Variants in SAR1B observed in about 807,000 individuals in gnomAD.
SAR1B encodes secretion associated Ras related GTPase 1B, also known as small COPII coat GTPase SAR1B.
In SAR1B, 23 loss-of-function variants were observed where a neutral mutation model predicts 26.8. That is an observed-to-expected ratio of 0.86 (90% CI 0.62 to 1.22). The LOEUF is 1.22. Among genes scored for constraint, SAR1B ranks in the 50% most tolerant of loss-of-function variants. The probability of loss-of-function intolerance (pLI) is 0.00; values close to 1 mark genes in which losing one functional copy is unlikely to be tolerated. For synonymous variants in SAR1B, 65 were observed against 80.8 expected (o/e 0.80, Z 1.05); for missense variants, 196 against 232.8 (o/e 0.84, Z 1.03).
At position 134,632,774 on chromosome 5, in the gene SAR1B, C is replaced by A. The variant is rs1001032655; in HGVS notation, c.-65G>T. ...TCCCCTACTTGGCGTTGGCCGTACA[C>A]CAGGAGACCGAACTGCAAAGCGCGA... On this transcript the variant is annotated 5_prime_UTR_variant, in exon 1 of 7. Coordinates refer to ENST00000402673, the MANE Select transcript of SAR1B (RefSeq NM_016103.4). 2.0e-5 allele frequency: 3 copies of A among 152,420 alleles called. No individual in the cohort carries two copies. In the East Asian group the frequency reaches 5.8e-4, roughly 29 times the overall value. The allele number at this position is 152,420 out of a possible 1,614,324, so 9.4% of individuals were successfully genotyped here.
At chr5:134,627,906 G>A (rs915760996) in intron 1 of SAR1B, among the ~76,000 whole-genome samples, 10 of 152,010 alleles carry the variant, frequency 6.6e-5, no homozygotes, top group Admixed American at 4.6e-4. Context: ...TTGGGAGGCC[G>A]AGGCGGGCAG....
Position 134,602,093 on chromosome 5 carries a change from G to A in SAR1B, c.*4857C>T, listed in dbSNP as rs1391503731. On this transcript the variant is annotated 3_prime_UTR_variant, in exon 7 of 7. Coordinates refer to ENST00000402673, the MANE Select transcript of SAR1B (RefSeq NM_016103.4). ...TGAAGAAGAATCCATCTACTCCAGT[G>A]CAGCTTTTCCAAAAATAGTTCTGTG... 2 of 152,164 alleles carry A rather than the reference G, an allele frequency of 1.3e-5. No homozygotes were observed. 9.4% of individuals were successfully genotyped at this position (152,164 alleles called of 1,614,324 possible).
At chr5:134,609,458 G>C in intron 5 of SAR1B, 113 bp downstream of exon 5, 1 of 827,964 alleles carries the variant, frequency 1.2e-6, no homozygotes, top group South Asian at 1.4e-5. Flanking sequence ...AAATTGCCAA[G>C]AGTTTCATCA....
intron 1 of SAR1B, among the ~76,000 whole-genome samples, chr5:134,630,363 G>A (rs1765580189): frequency 6.6e-6 from 1 of 151,092 alleles, no homozygotes; most frequent in Non-Finnish European, 1.5e-5. Flanking sequence ...GCTGAGGCAG[G>A]AGAATCGCTT....
intron 4 of SAR1B, among the ~76,000 whole-genome samples, chr5:134,610,940 T>A (rs1662441230): frequency 6.6e-6 from 1 of 151,762 alleles, no homozygotes; most frequent in Admixed American, 6.6e-5. Context: ...GCTAGTTCAC[T>A]GCAACCTCAG....
chr5:134,617,832 C>G (rs1765339649), intron 3 of SAR1B, among the ~76,000 whole-genome samples: 1 of 152,162 alleles, frequency 6.6e-6, no homozygotes, highest in Non-Finnish European at 1.5e-5. Flanking sequence ...CAGGCACGTG[C>G]CACCGTGTCC....
At position 134,605,118 on chromosome 5, in the gene SAR1B, TTAGC is replaced by T. The variant is rs1219164121; in HGVS notation, c.*1828_*1831del. ...CATCTTAAGAAGCGACCTTGTCAGC[TTAGC>T]TAAATAGTAATTCCTTCCAGTCATA... On this transcript the variant is annotated 3_prime_UTR_variant, in exon 7 of 7. Coordinates refer to ENST00000402673, the MANE Select transcript of SAR1B (RefSeq NM_016103.4). 1 of 152,236 alleles carries T rather than the reference TTAGC, an allele frequency of 6.6e-6. No homozygotes were observed. The allele number at this position is 152,236 out of a possible 1,614,324, so 9.4% of individuals were successfully genotyped here. A position where few individuals can be genotyped will look rare whatever the true frequency, so the allele number is the denominator to read the frequency against.
intron 6 of SAR1B, 140 bp downstream of exon 6, chr5:134,608,232 T>C: frequency 3.4e-6 from 3 of 877,974 alleles, no homozygotes; most frequent in Non-Finnish European, 5.2e-6. Context: ...AATGAGGACA[T>C]TAAAAAGACC....
intron 3 of SAR1B, chr5:134,613,446 G>C (rs1373851734): frequency 6.6e-6 from 1 of 152,110 alleles, no homozygotes; most frequent in Admixed American, 6.6e-5. Flanking sequence ...TTGCAAATAA[G>C]GTCAAATCAA....
At chr5:134,608,204 C>T (rs1235079532) in intron 6 of SAR1B, among the ~76,000 whole-genome samples, 168 bp downstream of exon 6, 1 of 152,108 alleles carries the variant, frequency 6.6e-6, no homozygotes, top group East Asian at 1.9e-4. Flanking sequence ...GAAAATGTTT[C>T]ATTCCATGGT....
At chr5:134,631,541 G>C (rs866800749) in intron 1 of SAR1B, 1 of 152,056 alleles carries the variant, frequency 6.6e-6, no homozygotes, top group African/African-American at 2.4e-5. Context: ...ACTTTAACAC[G>C]GAATATAGGA....
intron 1 of SAR1B, among the ~76,000 whole-genome samples, chr5:134,627,347 C>A (rs1212525422): frequency 1.3e-5 from 2 of 151,266 alleles, no homozygotes; most frequent in African/African-American, 2.4e-5. Context: ...CACCGCGCCC[C>A]GCCACTTTTT....
At chr5:134,618,819 G>A (rs1451830364) in intron 3 of SAR1B, among the ~76,000 whole-genome samples, 2 of 151,942 alleles carry the variant, frequency 1.3e-5, no homozygotes, top group Non-Finnish European at 2.9e-5. Context: ...CCAACATGGC[G>A]AAACCTGGTC....
In SAR1B at chr5:134,629,325, G is replaced by A. The variant is rs760949307; in HGVS notation, c.-19+3403C>T. On this transcript the variant is annotated intron_variant, in intron 1 of 6. Coordinates refer to ENST00000402673, the MANE Select transcript of SAR1B (RefSeq NM_016103.4). ...TGTAATCCCAGCACTTTGGGAGGCC[G>A]AGGTGGGGGGATCACTTGAACCCAG... 4.0e-5 allele frequency among the ~76,000 whole-genome samples: 6 copies of A among 150,948 alleles called. No homozygotes were observed. In the East Asian group the frequency reaches 9.8e-4, roughly 25 times the overall value.
At chr5:134,631,034 T>A (rs1331582395) in intron 1 of SAR1B, among the ~76,000 whole-genome samples, 2 of 150,982 alleles carry the variant, frequency 1.3e-5, no homozygotes, top group Admixed American at 6.6e-5. Flanking sequence ...TAGCTGGGAC[T>A]ACTGGCCTGC....
intron 2 of SAR1B, 114 bp downstream of exon 2, chr5:134,623,848 T>G (rs1465093236): frequency 1.3e-6 from 1 of 749,160 alleles, no homozygotes; most frequent in Admixed American, 2.1e-5. Flanking sequence ...AAAGCCCATA[T>G]TCTTAACTAT....
At chr5:134,627,819 A>AATAT (rs1164032971) in intron 1 of SAR1B, among the ~76,000 whole-genome samples, 1 of 145,098 alleles carries the variant, frequency 6.9e-6, no homozygotes, top group African/African-American at 2.5e-5. Flanking sequence ...TAAATAAATA[A>AATAT]ATAAATAAAT....
At chr5:134,623,928 G>A in intron 2 of SAR1B, 34 bp downstream of exon 2, 1 of 1,419,442 alleles carries the variant, frequency 7.0e-7, no homozygotes, top group Middle Eastern at 1.7e-4. Flanking sequence ...AAGACCAAAG[G>A]GGATAACTGT....
chr5:134,617,025 G>T (rs1291584898), intron 3 of SAR1B, among the ~76,000 whole-genome samples: 1 of 152,124 alleles, frequency 6.6e-6, no homozygotes, highest in Non-Finnish European at 1.5e-5. Context: ...GAGCCCAGGA[G>T]TTCAAGACCA....
Sources: allele counts gnomAD v4.1 joint callset (sites outside exome capture counted in the v4.1 genomes callset), GRCh38; gene constraint gnomAD v4.1.1; transcripts MANE v1.5; gene names NCBI Gene and HGNC (gene_info 2026-07-23, HGNC 2026-07-21).